Variants in NUTM2B observed in about 807,000 individuals in gnomAD.
NUTM2B encodes the protein family with sequence similarity 22, member B.
Under a neutral mutation model 42.4 loss-of-function variants are expected in NUTM2B, and 2 were observed. The observed-to-expected ratio is 0.05, with a 90% CI of 0.02 to 0.15. NUTM2B has a LOEUF of 0.15. Ranked by LOEUF, NUTM2B falls within the 10% of genes least tolerant of loss-of-function variation. The probability of loss-of-function intolerance (pLI) is 1.00; values close to 1 mark genes in which losing one functional copy is unlikely to be tolerated. For synonymous variants in NUTM2B, 18 were observed against 402.4 expected, an observed-to-expected ratio of 0.04 and a Z score of 11.43; for missense variants, 58 against 952.6, an observed-to-expected ratio of 0.06 and a Z score of 12.36.
chr10:79,701,234 T>C (rs1344173901), upstream of NUTM2B, among the ~76,000 whole-genome samples: 2 of 152,212 alleles, frequency 1.3e-5, no homozygotes, highest in Non-Finnish European at 2.9e-5. Flanking sequence ...CTCCAAAATA[T>C]ACTTTCTTCT....
chr10:79,698,815 T>C (rs1167341392), upstream of NUTM2B, among the ~76,000 whole-genome samples: 1 of 149,802 alleles, frequency 6.7e-6, no homozygotes, highest in Non-Finnish European at 1.5e-5. Context: ...ACAGACTCAA[T>C]ACTCATGTAT....
chr10:79,701,037 G>T (rs577525270), upstream of NUTM2B, among the ~76,000 whole-genome samples: 3 of 152,162 alleles, frequency 2.0e-5, no homozygotes, highest in African/African-American at 7.2e-5. Flanking sequence ...TTGCTGAAAG[G>T]TTTACCTTTG....
chr10:79,700,162 G>T (rs1840286527), upstream of NUTM2B, among the ~76,000 whole-genome samples: 1 of 152,382 alleles, frequency 6.6e-6, no homozygotes, highest in African/African-American at 2.4e-5. Flanking sequence ...CTAAAGGACT[G>T]TTCTTCCACT....
the NUTM2B span, among the ~76,000 whole-genome samples, chr10:79,695,939 A>C: frequency 2.7e-5 from 4 of 149,408 alleles, no homozygotes; most frequent in Non-Finnish European, 4.5e-5. Flanking sequence ...AGAAACTACC[A>C]TTTATATGGA....
chr10:79,704,972 A>C (rs1410436507), intron 1 of NUTM2B, among the ~76,000 whole-genome samples: 3 of 151,808 alleles, frequency 2.0e-5, no homozygotes, highest in African/African-American at 4.9e-5. Context: ...GTCCTGAATG[A>C]TGAGGTGCAT....
At chr10:79,694,795 G>A in the NUTM2B span, among the ~76,000 whole-genome samples, 1,448 of 152,222 alleles carry the variant, frequency 9.5e-3, 24 homozygotes, top group African/African-American at 0.033. Flanking sequence ...GTGGGAGGTC[G>A]CCCTAACAGG....
chr10:79,693,033 C>T, the NUTM2B span, among the ~76,000 whole-genome samples: 10 of 152,190 alleles, frequency 6.6e-5, no homozygotes, highest in African/African-American at 2.2e-4. Flanking sequence ...GCTTCATATG[C>T]GCTGACATGC....
the NUTM2B span, among the ~76,000 whole-genome samples, chr10:79,694,536 T>C: frequency 6.6e-6 from 1 of 152,026 alleles, no homozygotes; most frequent in Non-Finnish European, 1.5e-5. Context: ...AGCCACATTT[T>C]CTCAGGGGGG....
upstream of NUTM2B, among the ~76,000 whole-genome samples, chr10:79,699,019 G>A (rs1005405185): frequency 6.6e-6 from 1 of 151,970 alleles, no homozygotes; most frequent in Non-Finnish European, 1.5e-5. Context: ...CCTCATAACT[G>A]CACACGTTCA....
the NUTM2B span, among the ~76,000 whole-genome samples, chr10:79,695,334 C>G: frequency 6.6e-6 from 1 of 152,222 alleles, no homozygotes; most frequent in Non-Finnish European, 1.5e-5. Flanking sequence ...TACGGAACTT[C>G]AGAAAGAAAT....
chr10:79,707,247 A>G (rs1488386588), intron 2 of NUTM2B, among the ~76,000 whole-genome samples: 1 of 132,238 alleles, frequency 7.6e-6, no homozygotes, highest in Non-Finnish European at 1.6e-5. Flanking sequence ...CGGGCCCTGC[A>G]CTGGGGCCGA....
At chr10:79,701,244 T>A (rs1378328922), upstream of NUTM2B, among the ~76,000 whole-genome samples, 1 of 152,216 alleles carries the variant, frequency 6.6e-6, no homozygotes, top group Non-Finnish European at 1.5e-5. Context: ...TACTTTCTTC[T>A]GACTCCATTC....
intron 3 of NUTM2B, among the ~76,000 whole-genome samples, chr10:79,709,066 A>G (rs1447370079): frequency 8.7e-6 from 1 of 115,408 alleles, no homozygotes; most frequent in Non-Finnish European, 1.7e-5. Context: ...CTGCCTTGAC[A>G]CTGGAGGTCA....
chr10:79,709,325 C>G (rs1303081033), intron 3 of NUTM2B, among the ~76,000 whole-genome samples: 1 of 135,808 alleles, frequency 7.4e-6, no homozygotes, highest in Non-Finnish European at 1.6e-5. Flanking sequence ...TGAAGGCAGA[C>G]AGATAGACAG....
In NUTM2B at chr10:79,707,207, G is replaced by C. The variant is rs949624303; in HGVS notation, c.1082+466G>C. On this transcript the variant is annotated intron_variant, in intron 2 of 6. Coordinates refer to ENST00000429828, the Ensembl canonical transcript of NUTM2B. Reference sequence around the variant, plus strand: ...TCCGCTGAGGTCCAGTTAGCACAGCGGTGGTGGAGCCTGCATAGGGGGATG... The same window carrying C: ...TCCGCTGAGGTCCAGTTAGCACAGCCGTGGTGGAGCCTGCATAGGGGGATG... Among the ~76,000 whole-genome samples, 5 of 133,110 alleles carry C rather than the reference G, an allele frequency of 3.8e-5. 2 individuals carry two copies. Among genetic ancestry groups the C allele is most frequent in the Non-Finnish European group, 8.0e-5 (5 of 62,716 alleles). The allele number at this position is 133,110 out of a possible 152,430, so 87.3% of individuals were successfully genotyped here. A position where few individuals can be genotyped will look rare whatever the true frequency, so the allele number is the denominator to read the frequency against.
chr10:79,700,673 T>A (rs1314649235), upstream of NUTM2B, among the ~76,000 whole-genome samples: 1 of 152,068 alleles, frequency 6.6e-6, no homozygotes, highest in South Asian at 2.1e-4. Context: ...AAGGACGCCA[T>A]GAGAGCGAAG....
rs1374208958 is a variant in NUTM2B at position 79,707,397 on chromosome 10, C to G, written c.1082+656C>G. ...ACAGTGCCTGGCACATGCTATGACA[C>G]ATTACATGACAGCAGTTACGATTAC... On this transcript the variant is annotated intron_variant, in intron 2 of 6. Transcript: ENST00000429828. 1.5e-5 allele frequency among the ~76,000 whole-genome samples: 2 copies of G among 133,092 alleles called. 1 individual carries two copies. The highest frequency in any genetic ancestry group is 1.6e-4 in the Admixed American group (2 of 12,672). The allele number at this position is 133,092 out of a possible 152,430, so 87.3% of individuals were successfully genotyped here. A position where few individuals can be genotyped will look rare whatever the true frequency, so the allele number is the denominator to read the frequency against.
At chr10:79,692,308 T>C in the NUTM2B span, among the ~76,000 whole-genome samples, 6 of 152,242 alleles carry the variant, frequency 3.9e-5, no homozygotes, top group Non-Finnish European at 5.9e-5. Context: ...ACTTTACACA[T>C]ATGAATGCCA....
chr10:79,700,203 C>T (rs377016619), upstream of NUTM2B, among the ~76,000 whole-genome samples: 5 of 152,314 alleles, frequency 3.3e-5, no homozygotes, highest in South Asian at 4.1e-4. Context: ...GACAAATCAG[C>T]GTATTAGAAC....
Sources: allele counts gnomAD v4.1 joint callset (sites outside exome capture counted in the v4.1 genomes callset), GRCh38; gene constraint gnomAD v4.1.1; transcripts MANE v1.5; gene names NCBI Gene and HGNC (gene_info 2026-07-23, HGNC 2026-07-21).